The following CCNC variants were observed in gnomAD, a reference collection of about 807,000 sequenced individuals.
The protein encoded by CCNC is cyclin C, also known as cyclin-C.
In CCNC, 19 loss-of-function variants were observed where a neutral mutation model predicts 50.0. The ratio of observed to expected loss-of-function variants is 0.38; its 90% confidence interval spans 0.27 to 0.56. The LOEUF is 0.56. CCNC is among the 20% of genes least tolerant of loss of function. The probability of loss-of-function intolerance (pLI) is 0.72; values close to 1 mark genes in which losing one functional copy is unlikely to be tolerated. For missense variants in CCNC, 200 were observed against 327.1 expected (o/e 0.61, Z 3.00); for synonymous variants, 93 against 103.7 (o/e 0.90, Z 0.63).
In CCNC at chr6:99,567,426, T is replaced by TAC. The variant is rs890054149; in HGVS notation, c.32+1069_32+1070insGT. Among the ~76,000 whole-genome samples, 561 of 114,502 alleles carry TAC rather than the reference T, an allele frequency of 4.9e-3. 5 individuals carry two copies. The highest frequency in any genetic ancestry group is 0.017 in the African/African-American group (531 of 31,016). 75.1% of individuals were successfully genotyped at this position (114,502 alleles called of 152,430 possible). On this transcript the variant is annotated intron_variant, in intron 1 of 11. Coordinates refer to ENST00000520429, the MANE Select transcript of CCNC (RefSeq NM_005190.4). ...ATATACATACACACACACACATATA[T>TAC]ATACACACACACACATATGATCAGT... is the stretch of plus-strand genomic sequence containing the variant.
chr6:99,567,993 G>A (rs1769219468), intron 1 of CCNC: 1 of 154,704 alleles, frequency 6.5e-6, no homozygotes, highest in Non-Finnish European at 1.4e-5. Flanking sequence ...CGCGCAAGAA[G>A]CGGTTAGTAG....
intron 4 of CCNC, among the ~76,000 whole-genome samples, chr6:99,560,867 G>T (rs1461295921): frequency 1.3e-5 from 2 of 152,194 alleles, no homozygotes; most frequent in Non-Finnish European, 2.9e-5. Flanking sequence ...ATGATGGGAG[G>T]GAAGACAGGA....
intron 9 of CCNC, among the ~76,000 whole-genome samples, chr6:99,548,438 A>G (rs1003050880): frequency 1.3e-5 from 2 of 152,208 alleles, no homozygotes; most frequent in African/African-American, 4.8e-5. Context: ...AAACATCAAC[A>G]TTTAAGGAAT....
intron 5 of CCNC, among the ~76,000 whole-genome samples, chr6:99,555,227 CT>C (rs1273827486): frequency 6.6e-6 from 1 of 152,140 alleles, no homozygotes; most frequent in East Asian, 1.9e-4. Context: ...ATGTCAACAC[CT>C]TTCCCCCAAT....
chr6:99,559,704 T>C (rs1583585387), intron 4 of CCNC, among the ~76,000 whole-genome samples: 1 of 150,546 alleles, frequency 6.6e-6, no homozygotes, highest in Admixed American at 6.7e-5. Flanking sequence ...CTACATTCTC[T>C]TTCTCAGGAA....
At chr6:99,548,064 C>T (rs1012352617) in intron 9 of CCNC, among the ~76,000 whole-genome samples, 4 of 152,106 alleles carry the variant, frequency 2.6e-5, no homozygotes, top group African/African-American at 9.7e-5. Flanking sequence ...AAGCTCAATC[C>T]TCATCATGAG....
At chr6:99,568,756 C>CCTGTTAATCCCAGCATTTT, upstream of CCNC, 2 of 1,374,148 alleles carry the variant, frequency 1.5e-6, no homozygotes, top group Non-Finnish European at 1.9e-6. Flanking sequence ...TTCCGGCCCG[C>CCTGTTAATCCCAGCATTTT]GGTAGCGGAG....
intron 7 of CCNC, 147 bp downstream of exon 7, chr6:99,550,846 A>C: frequency 2.7e-6 from 1 of 363,984 alleles, no homozygotes; most frequent in South Asian, 5.7e-5. Context: ...TCTAGGTGCT[A>C]ATATAAATAG....
At chr6:99,544,295 G>A in intron 11 of CCNC, 3 of 1,534,082 alleles carry the variant, frequency 2.0e-6, no homozygotes, top group Non-Finnish European at 2.6e-6. Flanking sequence ...GCATCCAAAG[G>A]TAGCTGTTTG....
intron 1 of CCNC, among the ~76,000 whole-genome samples, chr6:99,567,709 C>T (rs1769199587): frequency 6.6e-6 from 1 of 152,176 alleles, no homozygotes; most frequent in Non-Finnish European, 1.5e-5. Flanking sequence ...GGAAAGCCTA[C>T]TCAAATGTTC....
chr6:99,548,077 T>C (rs903882375), intron 9 of CCNC, among the ~76,000 whole-genome samples: 8 of 152,150 alleles, frequency 5.3e-5, no homozygotes, highest in African/African-American at 1.9e-4. Context: ...ATCATGAGTC[T>C]GAGGTGCTGG....
At chr6:99,545,264 A>C in intron 10 of CCNC, 34 bp from the exon 11 acceptor site, 1 of 1,064,572 alleles carries the variant, frequency 9.4e-7, no homozygotes, top group Non-Finnish European at 1.5e-6. Context: ...TCTCAGTGGC[A>C]AAAACAAGCA....
At chr6:99,559,417 T>G (rs1802680609) in intron 4 of CCNC, among the ~76,000 whole-genome samples, 1 of 152,104 alleles carries the variant, frequency 6.6e-6, no homozygotes, top group South Asian at 2.1e-4. Context: ...AAATCAAGAG[T>G]TGGTTTCTTA....
At chr6:99,546,208 C>T (rs561060836) in intron 10 of CCNC, among the ~76,000 whole-genome samples, 187 bp downstream of exon 10, 3 of 152,232 alleles carry the variant, frequency 2.0e-5, no homozygotes, top group South Asian at 2.1e-4. Flanking sequence ...TCAGGTGATC[C>T]GCCCACCTAG....
chr6:99,564,170 A>G (rs1769000782), intron 1 of CCNC, among the ~76,000 whole-genome samples: 1 of 152,128 alleles, frequency 6.6e-6, no homozygotes, highest in Non-Finnish European at 1.5e-5. Flanking sequence ...CATGCCTGTA[A>G]TTTTAGCACT....
chr6:99,549,141 C>G (rs1041759762), intron 9 of CCNC, among the ~76,000 whole-genome samples: 9 of 152,166 alleles, frequency 5.9e-5, no homozygotes, highest in Non-Finnish European at 1.3e-4. Flanking sequence ...TACTCAACCT[C>G]TGAGTATTTG....
At chr6:99,554,326 C>T (rs920826646) in intron 5 of CCNC, among the ~76,000 whole-genome samples, 1 of 152,112 alleles carries the variant, frequency 6.6e-6, no homozygotes, top group African/African-American at 2.4e-5. Flanking sequence ...CAGGTTTCCC[C>T]ACTGTAAAGT....
chr6:99,565,289 C>T (rs1216027805), intron 1 of CCNC, among the ~76,000 whole-genome samples: 7 of 152,034 alleles, frequency 4.6e-5, no homozygotes, highest in African/African-American at 1.7e-4. Context: ...AATTCAAACT[C>T]TATTAAAATC....
At chr6:99,561,896 C>T (rs1802796728) in intron 2 of CCNC, 2 of 305,346 alleles carry the variant, frequency 6.5e-6, no homozygotes, top group Admixed American at 9.8e-5. Context: ...AACAAAACAA[C>T]AACAAAACAG....
Sources: allele counts gnomAD v4.1 joint callset (sites outside exome capture counted in the v4.1 genomes callset), GRCh38; gene constraint gnomAD v4.1.1; transcripts MANE v1.5; gene names NCBI Gene and HGNC (gene_info 2026-07-23, HGNC 2026-07-21).